CSMD2: variants seen among roughly 807,000 people sequenced by gnomAD.
The protein encoded by CSMD2 is CUB and Sushi multiple domains 2.
In CSMD2, 130 loss-of-function variants were observed where a neutral mutation model predicts 398.5. That is an observed-to-expected ratio of 0.33 (90% CI 0.28 to 0.38). The LOEUF is 0.38. CSMD2 is among the 10% of genes least tolerant of loss of function. The probability of loss-of-function intolerance (pLI) is 1.00; values close to 1 mark genes in which losing one functional copy is unlikely to be tolerated. For synonymous variants in CSMD2, 1,828 were observed against 1,908.5 expected (o/e 0.96, Z 1.10); for missense variants, 3,829 against 4,764.9 (o/e 0.80, Z 5.78).
chr1:33,938,844 C>A (rs558697946), intron 3 of CSMD2, among the ~76,000 whole-genome samples: 74 of 150,070 alleles, frequency 4.9e-4, no homozygotes, highest in African/African-American at 1.7e-3. Flanking sequence ...TTCCCATAAT[C>A]TCCTGCCGCT....
At chr1:33,644,381 G>A (rs1167944538) in intron 29 of CSMD2, among the ~76,000 whole-genome samples, 2 of 152,172 alleles carry the variant, frequency 1.3e-5, no homozygotes, top group Admixed American at 6.5e-5. Flanking sequence ...AAGCTGAAAT[G>A]AAATCATCTT....
At chr1:33,591,117 T>G (rs1226307782) in intron 44 of CSMD2, among the ~76,000 whole-genome samples, 1 of 150,540 alleles carries the variant, frequency 6.6e-6, no homozygotes, top group Non-Finnish European at 1.5e-5. Context: ...CCCTCCCGAG[T>G]AGCTGGGATT....
chr1:33,813,151 A>T (rs1488802457), intron 9 of CSMD2: 1 of 152,194 alleles, frequency 6.6e-6, no homozygotes, highest in African/African-American at 2.4e-5. Context: ...GTTTCCAAGA[A>T]TTAGATGGTA....
chr1:33,740,624 G>A (rs957018210), intron 14 of CSMD2, among the ~76,000 whole-genome samples: 2 of 152,222 alleles, frequency 1.3e-5, no homozygotes, highest in East Asian at 1.9e-4. Flanking sequence ...CCATTTGAAC[G>A]CTTAGGTCAG....
chr1:33,613,057 G>A (rs1044680790), intron 40 of CSMD2, among the ~76,000 whole-genome samples: 7 of 152,190 alleles, frequency 4.6e-5, no homozygotes, highest in Non-Finnish European at 8.8e-5. Flanking sequence ...ACTGGACTGT[G>A]ACCGCCATCT....
At chr1:34,103,464 A>C (rs1660210173) in intron 1 of CSMD2, among the ~76,000 whole-genome samples, 1 of 151,740 alleles carries the variant, frequency 6.6e-6, no homozygotes, top group South Asian at 2.1e-4. Context: ...ACGCCCAGCT[A>C]ATTTTTCACG....
At chr1:33,601,819 C>G (rs901863246) in intron 43 of CSMD2, among the ~76,000 whole-genome samples, 1 of 152,202 alleles carries the variant, frequency 6.6e-6, no homozygotes, top group African/African-American at 2.4e-5. Flanking sequence ...TTTAAATTAT[C>G]AAGATTAAAT....
At chr1:33,754,766 A>G (rs1329110380) in intron 13 of CSMD2, among the ~76,000 whole-genome samples, 1 of 152,186 alleles carries the variant, frequency 6.6e-6, no homozygotes, top group Non-Finnish European at 1.5e-5. Flanking sequence ...GGTAATTTAT[A>G]GGGAAATTGT....
chr1:34,046,382 C>A (rs1030877463), intron 2 of CSMD2, among the ~76,000 whole-genome samples: 1 of 152,164 alleles, frequency 6.6e-6, no homozygotes, highest in African/African-American at 2.4e-5. Flanking sequence ...AATACTTATT[C>A]AGTTATTTGG....
intron 6 of CSMD2, among the ~76,000 whole-genome samples, chr1:33,832,877 A>T (rs1557971648): frequency 1.3e-5 from 2 of 152,258 alleles, no homozygotes; most frequent in Non-Finnish European, 2.9e-5. Context: ...AAACATTTCT[A>T]CGCAAATAAA....
At chr1:33,736,135 A>G (rs184599491) in intron 15 of CSMD2, among the ~76,000 whole-genome samples, 49 of 152,342 alleles carry the variant, frequency 3.2e-4, no homozygotes, top group African/African-American at 9.9e-4. Context: ...CCTTACTTCT[A>G]GTGCCTACTG....
In CSMD2 at chr1:33,852,206, T is replaced by C. The variant is rs74995365; in HGVS notation, c.921-5210A>G. On this transcript the variant is annotated intron_variant, in intron 5 of 70. Coordinates refer to ENST00000373381, the MANE Select transcript of CSMD2 (RefSeq NM_001281956.2). ...TTGTGGCCAAGTCTTCTCCATTTCA[T>C]GTCCTCATCGTTTCTCACCTGGACT... Among the ~76,000 whole-genome samples the C allele has an allele frequency of 3.0e-4, 45 of 152,290 alleles. No individual in the cohort carries two copies. In the East Asian group the frequency reaches 6.4e-3, roughly 22 times the overall value.
Position 33,662,991 on chromosome 1 carries a change from G to C in CSMD2, c.4154C>G (p.Pro1385Arg). The change falls in exon 26 of 71, where the codon CCG (proline) becomes CGG (arginine). Residue 1385 changes from proline (P) to arginine (R), a missense_variant. Pro to Arg is a moderately radical substitution (Grantham distance 103). This residue lies in a region of CSMD2 where 2,001 missense variants were observed against 2,567.1 expected (regional missense o/e 0.78). Coordinates refer to ENST00000373381, the MANE Select transcript of CSMD2 (RefSeq NM_001281956.2). ...GCTATGCAGGTCCTTGGGCAGGGCC[G>C]GGCCACTCAGCTCCTTCAGCAGAAC... ...SGVLLKELSG[P>R]ALPKDLHSTF... 1.9e-6 allele frequency: 3 copies of C among 1,614,110 alleles called. No homozygotes were observed. Among genetic ancestry groups the C allele is most frequent in the Non-Finnish European group, 2.5e-6 (3 of 1,180,006 alleles).
chr1:33,533,189 G>A lies in CSMD2; in HGVS notation c.10032C>T (p.Asn3344=), dbSNP rs372319169. The A allele has an allele frequency of 5.7e-5, 92 of 1,613,998 alleles. No individual in the cohort carries two copies. Among genetic ancestry groups the A allele is most frequent in the East Asian group, 5.6e-4 (25 of 44,880 alleles). The change falls in exon 64 of 71, where the codon AAC becomes AAT. Residue 3344 remains asparagine, a synonymous_variant. Coordinates refer to ENST00000373381, the MANE Select transcript of CSMD2 (RefSeq NM_001281956.2). The surrounding 1 kb of genome is among the most constrained non-coding windows in gnomAD (Gnocchi z 4.2). ...CRQPETPTHA[N]VGALDLPSMG... is the part of the protein sequence containing the mutation. ...TGGAGGGCAAATCCAGGGCCCCGACGTTGGCATGCGTTGGCGTCTCTGGCT... is the reference window on the plus strand; with the variant it reads ...TGGAGGGCAAATCCAGGGCCCCGACATTGGCATGCGTTGGCGTCTCTGGCT...
At chr1:33,828,986 G>A (rs1200263116) in intron 6 of CSMD2, among the ~76,000 whole-genome samples, 3 of 152,216 alleles carry the variant, frequency 2.0e-5, no homozygotes, top group African/African-American at 7.2e-5. Context: ...AAGCTGCAGG[G>A]AGCTCCATAA....
At chr1:34,047,290 T>C (rs1276308492) in intron 2 of CSMD2, among the ~76,000 whole-genome samples, 1 of 152,166 alleles carries the variant, frequency 6.6e-6, no homozygotes, top group Non-Finnish European at 1.5e-5. Flanking sequence ...CCTGCTCTTC[T>C]CTCAGTTTCC....
chr1:33,587,757 G>A (rs922298176), intron 44 of CSMD2, among the ~76,000 whole-genome samples: 1 of 152,124 alleles, frequency 6.6e-6, no homozygotes, highest in African/African-American at 2.4e-5. Context: ...AATTTTCTAG[G>A]CTGGAATTCA....
intron 13 of CSMD2, among the ~76,000 whole-genome samples, chr1:33,759,171 C>T (rs890181215): frequency 4.6e-5 from 7 of 151,902 alleles, no homozygotes; most frequent in African/African-American, 1.7e-4. Context: ...TGAGATGGAG[C>T]CAGTCTTGTG....
chr1:33,989,167 T>C (rs557226981), intron 3 of CSMD2, among the ~76,000 whole-genome samples: 1 of 150,002 alleles, frequency 6.7e-6, no homozygotes, highest in East Asian at 1.9e-4. Flanking sequence ...ATAAGACAAA[T>C]AATTCAATTT....
Sources: gnomAD v4.1 joint callset for allele counts (sites outside exome capture counted in the v4.1 genomes callset) on GRCh38, gnomAD v4.1.1 for gene constraint, gnomAD v4.1.1 regional missense constraint, Gnocchi (gnomAD v3.1) non-coding constraint, MANE v1.5 for transcripts, NCBI Gene and HGNC (gene_info 2026-07-23, HGNC 2026-07-21) for gene names.